The following PKHD1 variants were observed in gnomAD, a reference collection of about 807,000 sequenced individuals.
PKHD1 encodes PKHD1 ciliary IPT domain containing fibrocystin/polyductin.
Under a neutral mutation model 412.0 loss-of-function variants are expected in PKHD1, and 291 were observed. That is an observed-to-expected ratio of 0.71 (90% confidence interval 0.64 to 0.78). The LOEUF (loss-of-function observed/expected upper bound fraction) is 0.78. Among genes scored for constraint, PKHD1 ranks in the 30% least tolerant of loss-of-function variants. The pLI is 0.00. For synonymous variants in PKHD1, 1,777 were observed against 1,821.5 expected, an observed-to-expected ratio of 0.98 and a Z score of 0.62; for missense variants, 4,825 against 4,950.7, an observed-to-expected ratio of 0.97 and a Z score of 0.76.
chr6:51,626,779 A>T (rs1003701009), intron 66 of PKHD1, among the ~76,000 whole-genome samples: 1 of 152,226 alleles, frequency 6.6e-6, no homozygotes, highest in Non-Finnish European at 1.5e-5. Context: ...TACTAAAAAC[A>T]ATATAAATAT....
chr6:51,982,160 G>A (rs1470732887), intron 35 of PKHD1, among the ~76,000 whole-genome samples: 2 of 32,696 alleles, frequency 6.1e-5, no homozygotes, highest in African/African-American at 2.0e-4. Context: ...TCTCCGCCCG[G>A]CAGCCACCCC....
intron 60 of PKHD1, among the ~76,000 whole-genome samples, chr6:51,679,562 T>A (rs9395706): frequency 1.3e-5 from 2 of 151,816 alleles, no homozygotes; most frequent in East Asian, 1.9e-4. Context: ...ATACAAAACC[T>A]TCGACTGATA....
intron 60 of PKHD1, among the ~76,000 whole-genome samples, chr6:51,717,670 C>T (rs1037145037): frequency 6.6e-6 from 1 of 152,062 alleles, no homozygotes; most frequent in East Asian, 1.9e-4. Context: ...GATGCTAACA[C>T]AATGATTAAA....
At chr6:52,012,246 T>C (rs953668898) in intron 34 of PKHD1, among the ~76,000 whole-genome samples, 1 of 152,206 alleles carries the variant, frequency 6.6e-6, no homozygotes, top group Admixed American at 6.5e-5. Flanking sequence ...AAATGAAGCA[T>C]ATAAATAGAT....
At chr6:51,661,618 G>T (rs767658558) in intron 60 of PKHD1, among the ~76,000 whole-genome samples, 2 of 151,840 alleles carry the variant, frequency 1.3e-5, no homozygotes, top group Non-Finnish European at 2.9e-5. Flanking sequence ...AGGATGGTGA[G>T]GGTTAATAAA....
At chr6:52,028,498 T>C in intron 29 of PKHD1, 147 bp from the exon 30 acceptor site, 10 of 750,176 alleles carry the variant, frequency 1.3e-5, no homozygotes, top group South Asian at 8.1e-5. Context: ...ACCTAAATTT[T>C]TCAAGAAACT....
chr6:51,713,408 G>A (rs1780874068), intron 60 of PKHD1, among the ~76,000 whole-genome samples: 1 of 152,156 alleles, frequency 6.6e-6, no homozygotes, highest in South Asian at 2.1e-4. Context: ...GGTTGGCTTT[G>A]GATCATTTTC....
chr6:51,650,673 C>A (rs1287923717), intron 61 of PKHD1, among the ~76,000 whole-genome samples: 1 of 152,038 alleles, frequency 6.6e-6, no homozygotes. Context: ...CCATAGGAAG[C>A]AATTTTCTTC....
Position 51,694,547 on chromosome 6 carries a change from C to CA in PKHD1, c.10157-34579_10157-34578insT, listed in dbSNP as rs1562116019. ...TACAGGTGCCCGCCACCACAACCAGCCTTTTTTTTTTTTTTTTTTTTTTTT... is the reference window on the plus strand; with the variant it reads ...TACAGGTGCCCGCCACCACAACCAGCACTTTTTTTTTTTTTTTTTTTTTTTT... On this transcript the variant is annotated intron_variant, in intron 60 of 66. Transcript: ENST00000371117. Among the ~76,000 whole-genome samples the CA allele has an allele frequency of 5.4e-3, 301 of 55,440 alleles. 3 individuals carry two copies. The highest frequency in any genetic ancestry group is 0.018 in the African/African-American group (274 of 15,302). 36.4% of individuals were successfully genotyped at this position (55,440 alleles called of 152,430 possible).
chr6:51,927,198 A>T (rs1395377983), intron 37 of PKHD1, among the ~76,000 whole-genome samples: 1 of 152,158 alleles, frequency 6.6e-6, no homozygotes, highest in Non-Finnish European at 1.5e-5. Flanking sequence ...TAACAACCGC[A>T]AAATGACAGT....
chr6:51,616,911 T>C lies in PKHD1; in HGVS notation c.*2170A>G, dbSNP rs1286575760. 3 of 380,090 alleles carry C rather than the reference T, an allele frequency of 7.9e-6. No homozygotes were observed. Among genetic ancestry groups the C allele is most frequent in the Non-Finnish European group, 9.3e-6 (2 of 214,838 alleles). The allele number at this position is 380,090 out of a possible 1,614,324, so 23.5% of individuals were successfully genotyped here. A position where few individuals can be genotyped will look rare whatever the true frequency, so the allele number is the denominator to read the frequency against. On this transcript the variant is annotated 3_prime_UTR_variant, in exon 67 of 67. Transcript: ENST00000371117. ...AGAATGAAGAGTCATGACTGACTTC[T>C]AGATTTCTGGTCTGAGTGCAGTGAT... is the stretch of plus-strand genomic sequence containing the variant.
At chr6:51,976,439 G>T (rs969721119) in intron 35 of PKHD1, among the ~76,000 whole-genome samples, 1 of 152,172 alleles carries the variant, frequency 6.6e-6, no homozygotes, top group Non-Finnish European at 1.5e-5. Context: ...GTGCCTATTA[G>T]TCAAATACAC....
At chr6:51,868,954 A>T (rs1307255988) in intron 47 of PKHD1, among the ~76,000 whole-genome samples, 5 of 152,148 alleles carry the variant, frequency 3.3e-5, no homozygotes, top group Non-Finnish European at 7.4e-5. Flanking sequence ...AAAACTAAGT[A>T]CACATCTCCC....
At chr6:51,627,957 TTTTATTCTAG>T (rs1398932696) in intron 65 of PKHD1, among the ~76,000 whole-genome samples, 3 of 152,196 alleles carry the variant, frequency 2.0e-5, no homozygotes, top group Non-Finnish European at 4.4e-5. Flanking sequence ...CTCACTGAGC[TTTTATTCTAG>T]TTTGGATGGC....
At chr6:51,755,003 A>G in intron 55 of PKHD1, 65 bp from the exon 56 acceptor site, 1 of 1,381,384 alleles carries the variant, frequency 7.2e-7, no homozygotes, top group South Asian at 1.2e-5. Context: ...TATTAACTCC[A>G]GAGCAAGAAA....
chr6:51,903,832 C>CATATATATATATATATATATATAT lies in PKHD1; in HGVS notation c.6866-129_6866-106dup, dbSNP rs66966800. On this transcript the variant is annotated intron_variant, in intron 42 of 66. Transcript: ENST00000371117. Reference sequence around the variant, plus strand: ...ACATCAGAGTTCACATAATGCATTTCATATATATATATATATATATATATA... The same window carrying CATATATATATATATATATATATAT: ...ACATCAGAGTTCACATAATGCATTTCATATATATATATATATATATATATATATATATATATATATATATATATA... The CATATATATATATATATATATATAT allele has an allele frequency of 3.4e-5, 14 of 417,262 alleles. No homozygotes were observed. In the African/African-American group the frequency reaches 3.5e-4, roughly 11 times the overall value. The allele number at this position is 417,262 out of a possible 1,614,324, so 25.8% of individuals were successfully genotyped here. A position where few individuals can be genotyped will look rare whatever the true frequency, so the allele number is the denominator to read the frequency against.
chr6:51,957,481 C>T (rs1791322358), intron 36 of PKHD1, among the ~76,000 whole-genome samples: 1 of 152,018 alleles, frequency 6.6e-6, no homozygotes, highest in South Asian at 2.1e-4. Context: ...AACAAGGAAT[C>T]TGAAATATGG....
chr6:51,886,000 G>C, intron 44 of PKHD1, 28 bp from the exon 45 acceptor site: 1 of 1,305,146 alleles, frequency 7.7e-7, no homozygotes, highest in Non-Finnish European at 1.1e-6. Context: ...ATGAAATTAA[G>C]CCAATTTTTA....
intron 45 of PKHD1, among the ~76,000 whole-genome samples, chr6:51,884,533 T>A (rs1777896729): frequency 6.6e-6 from 1 of 152,192 alleles, no homozygotes; most frequent in African/African-American, 2.4e-5. Flanking sequence ...GCTATTATGT[T>A]ACTTAATTTT....
Sources: gnomAD v4.1 joint callset for allele counts (sites outside exome capture counted in the v4.1 genomes callset) on GRCh38, gnomAD v4.1.1 for gene constraint, MANE v1.5 for transcripts, NCBI Gene and HGNC (gene_info 2026-07-23, HGNC 2026-07-21) for gene names.